FCHSD2: variants seen among roughly 807,000 people sequenced by gnomAD.
FCHSD2 encodes F-BAR and double SH3 domains protein 2.
Under a neutral mutation model 108.1 loss-of-function variants are expected in FCHSD2, and 38 were observed. That is an observed-to-expected ratio of 0.35 (90% CI 0.27 to 0.46). The LOEUF (loss-of-function observed/expected upper bound fraction) is 0.46. FCHSD2 is among the 20% of genes least tolerant of loss of function. The probability of loss-of-function intolerance (pLI) is 1.00; values close to 1 mark genes in which losing one functional copy is unlikely to be tolerated. For missense variants in FCHSD2, 751 were observed against 897.8 expected, an observed-to-expected ratio of 0.84 and a Z score of 2.09; for synonymous variants, 279 against 314.7, an observed-to-expected ratio of 0.89 and a Z score of 1.20.
At chr11:72,997,670 G>C (rs186167142) in intron 5 of FCHSD2, among the ~76,000 whole-genome samples, 1 of 152,298 alleles carries the variant, frequency 6.6e-6, no homozygotes, top group East Asian at 1.9e-4. Flanking sequence ...TCCTGGAACT[G>C]AAAAGTACAT....
intron 3 of FCHSD2, among the ~76,000 whole-genome samples, chr11:73,082,257 A>T (rs1220767706): frequency 7.1e-6 from 1 of 140,640 alleles, no homozygotes; most frequent in Non-Finnish European, 1.5e-5. Context: ...GAATCGCTTG[A>T]ATCTGGGAGG....
chr11:73,091,076 TGTA>T (rs1215375848), intron 2 of FCHSD2, among the ~76,000 whole-genome samples: 3 of 152,374 alleles, frequency 2.0e-5, no homozygotes, highest in South Asian at 2.1e-4. Context: ...TTATCCAAGT[TGTA>T]GTATGTATCA....
intron 3 of FCHSD2, among the ~76,000 whole-genome samples, chr11:73,061,393 C>T (rs1274930161): frequency 6.6e-6 from 1 of 152,194 alleles, no homozygotes; most frequent in East Asian, 1.9e-4. Flanking sequence ...GGGCAAACAC[C>T]AAACTAGCTG....
chr11:72,850,107 C>T (rs530729838), intron 13 of FCHSD2, among the ~76,000 whole-genome samples: 4 of 146,196 alleles, frequency 2.7e-5, no homozygotes, highest in African/African-American at 5.1e-5. Flanking sequence ...CTTGTCACCC[C>T]GGCTGGACTG....
intron 11 of FCHSD2, 73 bp downstream of exon 11, chr11:72,889,756 T>C: frequency 1.2e-6 from 1 of 826,742 alleles, no homozygotes. Flanking sequence ...TTCACATTAA[T>C]AAAACTCAGT....
chr11:73,104,276 T>G (rs1373387369), intron 2 of FCHSD2, among the ~76,000 whole-genome samples: 1 of 152,256 alleles, frequency 6.6e-6, no homozygotes, highest in East Asian at 1.9e-4. Flanking sequence ...CTTTACTTAT[T>G]TATTTATGGA....
rs893114234 is a variant in FCHSD2 at position 72,838,159 on chromosome 11, A to G, written c.*632T>C. On this transcript the variant is annotated 3_prime_UTR_variant, in exon 20 of 20. Coordinates refer to ENST00000409418, the MANE Select transcript of FCHSD2 (RefSeq NM_014824.3). ...CTAAATGAATGGCACAGATATTAAT[A>G]CGAAGGACACTGTTATTTTAAGTCT... 2 of 152,452 alleles carry G rather than the reference A, an allele frequency of 1.3e-5. No homozygotes were observed. The highest frequency in any genetic ancestry group is 4.8e-5 in the African/African-American group (2 of 41,456). 9.4% of individuals were successfully genotyped at this position (152,452 alleles called of 1,614,324 possible).
chr11:72,907,933 G>A (rs558706522), intron 9 of FCHSD2, among the ~76,000 whole-genome samples: 8 of 152,122 alleles, frequency 5.3e-5, no homozygotes, highest in African/African-American at 9.6e-5. Flanking sequence ...TATTGCTGAC[G>A]TGGTCACCTT....
chr11:72,895,853 G>C (rs774386221), intron 10 of FCHSD2, among the ~76,000 whole-genome samples: 1 of 152,090 alleles, frequency 6.6e-6, no homozygotes, highest in African/African-American at 2.4e-5. Context: ...TCAACAGGAG[G>C]ACATCCCACA....
chr11:73,129,027 G>A lies in FCHSD2; in HGVS notation c.119+11004C>T, dbSNP rs559737476. On this transcript the variant is annotated intron_variant, in intron 2 of 19. Transcript: ENST00000409418. ...GCTGGGACTACAGGCATGTGCCACCGTGCCTGGCTAATTTTTTGTATTTTT... is the reference window on the plus strand; with the variant it reads ...GCTGGGACTACAGGCATGTGCCACCATGCCTGGCTAATTTTTTGTATTTTT... Among the ~76,000 whole-genome samples the A allele has an allele frequency of 1.3e-4, 19 of 151,934 alleles. No individual in the cohort carries two copies. In the South Asian group the frequency reaches 1.5e-3, roughly 12 times the overall value.
chr11:72,985,357 C>CAA (rs35241897), intron 6 of FCHSD2, among the ~76,000 whole-genome samples: 13 of 47,390 alleles, frequency 2.7e-4, no homozygotes, highest in African/African-American at 4.4e-4. Context: ...CCAGAATGAC[C>CAA]AAAAAAAAAA....
chr11:73,122,835 T>C (rs550105836), intron 2 of FCHSD2, among the ~76,000 whole-genome samples: 1 of 152,356 alleles, frequency 6.6e-6, no homozygotes, highest in South Asian at 2.1e-4. Context: ...AGCTTTATAG[T>C]GTGGCTGTTC....
At chr11:72,917,702 A>G (rs1332977188) in intron 9 of FCHSD2, among the ~76,000 whole-genome samples, 1 of 152,192 alleles carries the variant, frequency 6.6e-6, no homozygotes, top group Non-Finnish European at 1.5e-5. Flanking sequence ...CCTGGCTAAC[A>G]TGACGAAACC....
Position 73,141,937 on chromosome 11 carries a change from G to A in FCHSD2, c.-60C>T. On this transcript the variant is annotated 5_prime_UTR_variant, in exon 1 of 20. Coordinates refer to ENST00000409418, the MANE Select transcript of FCHSD2 (RefSeq NM_014824.3). ...GCGTTAGCAAGGACCAGGAGGAGGA[G>A]GAGGGCCGGAGAGGAGGGGACGGCC... 1 of 1,478,506 alleles carries A rather than the reference G, an allele frequency of 6.8e-7. No homozygotes were observed. Among genetic ancestry groups the A allele is most frequent in the East Asian group, 2.5e-5 (1 of 39,954 alleles). The allele number at this position is 1,478,506 out of a possible 1,614,324, so 91.6% of individuals were successfully genotyped here.
intron 5 of FCHSD2, among the ~76,000 whole-genome samples, chr11:72,994,509 T>G (rs1857484981): frequency 1.3e-5 from 2 of 152,194 alleles, no homozygotes; most frequent in South Asian, 4.1e-4. Flanking sequence ...ATGATACCAT[T>G]TACTATGGAA....
At chr11:73,122,641 TTA>T (rs1049525854) in intron 2 of FCHSD2, among the ~76,000 whole-genome samples, 4 of 152,206 alleles carry the variant, frequency 2.6e-5, no homozygotes, top group African/African-American at 9.6e-5. Context: ...GGACAGTTTA[TTA>T]AGAGAATTAA....
At chr11:72,911,863 C>T (rs555813976) in intron 9 of FCHSD2, among the ~76,000 whole-genome samples, 2 of 152,016 alleles carry the variant, frequency 1.3e-5, no homozygotes, top group Non-Finnish European at 2.9e-5. Context: ...TTTTAAGAGA[C>T]CTTTCACTTC....
At chr11:72,849,182 A>AC (rs981083238) in intron 14 of FCHSD2, among the ~76,000 whole-genome samples, 4 of 152,150 alleles carry the variant, frequency 2.6e-5, no homozygotes, top group African/African-American at 9.7e-5. Context: ...CTCCACCAGA[A>AC]CAGGGGCAAG....
intron 4 of FCHSD2, among the ~76,000 whole-genome samples, chr11:73,008,462 G>A (rs1051080621): frequency 6.6e-6 from 1 of 152,200 alleles, no homozygotes; most frequent in African/African-American, 2.4e-5. Flanking sequence ...TAGAAAGGGA[G>A]AATATCCTAA....
Sources: gnomAD v4.1 joint callset for allele counts (sites outside exome capture counted in the v4.1 genomes callset) on GRCh38, gnomAD v4.1.1 for gene constraint, MANE v1.5 for transcripts, NCBI Gene and HGNC (gene_info 2026-07-23, HGNC 2026-07-21) for gene names.